The following SMAP1 variants were observed in gnomAD, a reference collection of about 807,000 sequenced individuals.
The protein encoded by SMAP1 is small ArfGAP 1.
In SMAP1, 24 loss-of-function variants were observed where a neutral mutation model predicts 58.5. The observed-to-expected ratio is 0.41, with a 90% CI of 0.30 to 0.58. The LOEUF (loss-of-function observed/expected upper bound fraction) is 0.58. SMAP1 is among the 20% of genes least tolerant of loss of function. The pLI, the probability that SMAP1 is intolerant of heterozygous loss-of-function variation, is 0.29. For synonymous variants in SMAP1, 216 were observed against 196.6 expected (o/e 1.10, Z -0.82); for missense variants, 563 against 566.3 (o/e 0.99, Z 0.06).
chr6:70,718,947 T>G (rs1312967450), intron 1 of SMAP1, among the ~76,000 whole-genome samples: 1 of 152,136 alleles, frequency 6.6e-6, no homozygotes, highest in Non-Finnish European at 1.5e-5. Context: ...ATAATTAATG[T>G]GTATTTTTAA....
intron 4 of SMAP1, among the ~76,000 whole-genome samples, chr6:70,780,615 C>G (rs993344993): frequency 6.6e-6 from 1 of 152,128 alleles, no homozygotes; most frequent in South Asian, 2.1e-4. Flanking sequence ...CCTGTCTGTC[C>G]TCCTTCCCTT....
chr6:70,668,190 T>TG, intron 1 of SMAP1, 49 bp downstream of exon 1: 1 of 1,503,946 alleles, frequency 6.6e-7, no homozygotes, highest in Non-Finnish European at 9.1e-7. Flanking sequence ...TTGCGACCGG[T>TG]GACCTTCCCG....
At chr6:70,856,682 T>C (rs1582318614) in intron 8 of SMAP1, 177 bp from the exon 9 acceptor site, 1 of 520,842 alleles carries the variant, frequency 1.9e-6, no homozygotes, top group Non-Finnish European at 3.3e-6. Context: ...ACTGTCTTGA[T>C]TGTAGATGTT....
chr6:70,750,153 T>G (rs1479803428), intron 2 of SMAP1, among the ~76,000 whole-genome samples: 1 of 152,212 alleles, frequency 6.6e-6, no homozygotes, highest in African/African-American at 2.4e-5. Context: ...TTCAAGGTTC[T>G]GTTTTCAGTA....
intron 1 of SMAP1, among the ~76,000 whole-genome samples, chr6:70,706,973 A>G (rs1170866665): frequency 6.6e-6 from 1 of 152,224 alleles, no homozygotes; most frequent in Non-Finnish European, 1.5e-5. Context: ...ATTTAGGATT[A>G]GGAATATAGC....
At position 70,837,965 on chromosome 6, in the gene SMAP1, C is replaced by T. The variant is rs186976091; in HGVS notation, c.664+937C>T. On this transcript the variant is annotated intron_variant, in intron 7 of 10. Coordinates refer to ENST00000370455, the MANE Select transcript of SMAP1 (RefSeq NM_001044305.3). ...GAAGCTGGTACATCGTACAAATATA[C>T]TCCCTGGAGGTACAATTCTTCTATG... 79 of 1,043,890 alleles carry T rather than the reference C, an allele frequency of 7.6e-5. No individual in the cohort carries two copies. The Middle Eastern group carries it at 1.3e-3, about 17-fold the overall frequency. 64.7% of individuals were successfully genotyped at this position (1,043,890 alleles called of 1,614,324 possible).
chr6:70,804,380 G>A (rs1769020637), intron 6 of SMAP1, among the ~76,000 whole-genome samples: 1 of 149,542 alleles, frequency 6.7e-6, no homozygotes, highest in African/African-American at 2.5e-5. Context: ...TTGAGCCTAT[G>A]TGTGTCTCTG....
chr6:70,724,853 A>G (rs1422166614), intron 1 of SMAP1, among the ~76,000 whole-genome samples: 1 of 151,940 alleles, frequency 6.6e-6, no homozygotes, highest in Non-Finnish European at 1.5e-5. Context: ...TTAATAAAAT[A>G]TTATATAATG....
intron 3 of SMAP1, among the ~76,000 whole-genome samples, chr6:70,755,654 A>G (rs1159728071): frequency 1.3e-5 from 2 of 152,004 alleles, no homozygotes; most frequent in Non-Finnish European, 2.9e-5. Context: ...TTGTAAGTTG[A>G]GGGGCATCTC....
At chr6:70,841,738 T>C (rs1292199826) in intron 7 of SMAP1, among the ~76,000 whole-genome samples, 1 of 152,192 alleles carries the variant, frequency 6.6e-6, no homozygotes, top group Non-Finnish European at 1.5e-5. Context: ...AGTTCCCCCA[T>C]TCATGTTTGT....
At chr6:70,757,091 A>C (rs924039556) in intron 3 of SMAP1, among the ~76,000 whole-genome samples, 1 of 152,202 alleles carries the variant, frequency 6.6e-6, no homozygotes, top group Non-Finnish European at 1.5e-5. Context: ...ACAAAGCTGG[A>C]GGCATCACAC....
intron 7 of SMAP1, among the ~76,000 whole-genome samples, chr6:70,844,641 A>T (rs1304699517): frequency 6.6e-6 from 1 of 152,218 alleles, no homozygotes; most frequent in East Asian, 1.9e-4. Flanking sequence ...ATAAAAATAA[A>T]TAGCTCCAGT....
intron 1 of SMAP1, among the ~76,000 whole-genome samples, chr6:70,715,551 A>G (rs1404804421): frequency 1.3e-5 from 2 of 152,078 alleles, no homozygotes; most frequent in South Asian, 2.1e-4. Flanking sequence ...GATAATGCCT[A>G]TATTGTGATG....
At chr6:70,785,881 G>A (rs995555855) in intron 4 of SMAP1, among the ~76,000 whole-genome samples, 1 of 152,176 alleles carries the variant, frequency 6.6e-6, no homozygotes, top group East Asian at 1.9e-4. Flanking sequence ...GTACAAGGAG[G>A]AGCTGGTACC....
At chr6:70,754,786 G>A (rs981530119) in intron 2 of SMAP1, among the ~76,000 whole-genome samples, 194 bp from the exon 3 acceptor site, 6 of 151,924 alleles carry the variant, frequency 3.9e-5, no homozygotes, top group African/African-American at 1.2e-4. Flanking sequence ...TAAATGTGAA[G>A]GATTAAAAAT....
At position 70,667,900 on chromosome 6, in the gene SMAP1, G is replaced by A. The variant is rs961241926; in HGVS notation, c.-124G>A. 38 of 721,208 alleles carry A rather than the reference G, an allele frequency of 5.3e-5. No individual in the cohort carries two copies. The highest frequency in any genetic ancestry group is 1.9e-5 in the African/African-American group (1 of 52,822). 44.7% of individuals were successfully genotyped at this position (721,208 alleles called of 1,614,324 possible). ...CGCCCCTCCTCCCGTTCCAGCTGCC[G>A]CTGCCGCTTCCTGGGCTGAGTCCGC... On this transcript the variant is annotated 5_prime_UTR_variant, in exon 1 of 11. Transcript: ENST00000370455.
Position 70,788,356 on chromosome 6 carries a change from C to G in SMAP1, c.415-3333C>G, listed in dbSNP as rs570740605. Among the ~76,000 whole-genome samples the G allele has an allele frequency of 2.0e-3, 301 of 149,844 alleles. 1 individual carries two copies. The highest frequency in any genetic ancestry group is 7.1e-3 in the African/African-American group (290 of 40,712). ...AGGAGATATACCTAATGCTAAATGACGAGTTAATGGGTGCAGCACACCAAC... is the reference window on the plus strand; with the variant it reads ...AGGAGATATACCTAATGCTAAATGAGGAGTTAATGGGTGCAGCACACCAAC... On this transcript the variant is annotated intron_variant, in intron 4 of 10. Transcript: ENST00000370455.
chr6:70,703,756 G>C (rs1368203793), intron 1 of SMAP1, among the ~76,000 whole-genome samples: 1 of 152,142 alleles, frequency 6.6e-6, no homozygotes, highest in Non-Finnish European at 1.5e-5. Flanking sequence ...TTCTCTCTGT[G>C]CATCTCTCTC....
At chr6:70,841,368 G>A (rs1770799455) in intron 7 of SMAP1, among the ~76,000 whole-genome samples, 1 of 152,192 alleles carries the variant, frequency 6.6e-6, no homozygotes, top group Non-Finnish European at 1.5e-5. Context: ...CAGACACAGA[G>A]TTGTATGTGT....
Sources: allele counts gnomAD v4.1 joint callset (sites outside exome capture counted in the v4.1 genomes callset), GRCh38; gene constraint gnomAD v4.1.1; transcripts MANE v1.5; gene names NCBI Gene and HGNC (gene_info 2026-07-23, HGNC 2026-07-21).